The following TMEM144 variants were observed in gnomAD, a reference collection of about 807,000 sequenced individuals.
TMEM144 encodes the protein transmembrane protein 144.
Under a neutral mutation model 43.6 loss-of-function variants are expected in TMEM144, and 39 were observed. That is an observed-to-expected ratio of 0.90 (90% CI 0.69 to 1.17). The LOEUF is 1.17. Among genes scored for constraint, TMEM144 ranks in the 50% most tolerant of loss-of-function variants. TMEM144 has a pLI of 0.00. For synonymous variants in TMEM144, 154 were observed against 133.6 expected (o/e 1.15, Z -1.06); for missense variants, 417 against 411.9 (o/e 1.01, Z -0.11).
At chr4:158,246,378 T>C (rs1376901959) in intron 12 of TMEM144, among the ~76,000 whole-genome samples, 5 of 152,188 alleles carry the variant, frequency 3.3e-5, no homozygotes, top group Non-Finnish European at 5.9e-5. Context: ...TGAATGTACT[T>C]CTACCTGATC....
At chr4:158,241,344 A>G (rs1020053478) in intron 10 of TMEM144, among the ~76,000 whole-genome samples, 165 bp from the exon 11 acceptor site, 3 of 152,326 alleles carry the variant, frequency 2.0e-5, no homozygotes, top group African/African-American at 7.2e-5. Flanking sequence ...TAGAGAAATT[A>G]CTTGCTCTAA....
chr4:158,238,538 A>G (rs1735471627), intron 9 of TMEM144, among the ~76,000 whole-genome samples: 1 of 152,208 alleles, frequency 6.6e-6, no homozygotes, highest in Non-Finnish European at 1.5e-5. Context: ...TTTTTACAAA[A>G]AGATAGAAAT....
chr4:158,247,647 A>G (rs1735958136), intron 12 of TMEM144, among the ~76,000 whole-genome samples: 2 of 152,110 alleles, frequency 1.3e-5, no homozygotes, highest in Admixed American at 1.3e-4. Flanking sequence ...AATAACCACA[A>G]AAATTACATA....
rs747613745 is a variant in TMEM144 at position 158,215,288 on chromosome 4, G to A, written c.207G>A (p.Met69Ile). 2.5e-6 allele frequency: 4 copies of A among 1,613,750 alleles called. No individual in the cohort carries two copies. Among genetic ancestry groups the A allele is most frequent in the Non-Finnish European group, 3.4e-6 (4 of 1,179,770 alleles). The change falls in exon 4 of 13, where the codon ATG (methionine) becomes ATA (isoleucine). Residue 69 changes from methionine to isoleucine, a missense_variant. Coordinates refer to ENST00000296529, the MANE Select transcript of TMEM144 (RefSeq NM_018342.5). ...LHCPKFWPFA[M>I]LGGCIWATGN... Reference sequence around the variant, plus strand: ...GTCCAAAGTTTTGGCCTTTTGCAATGCTTGGGGGCTGCATTTGGGCAACAG... The same window carrying A: ...GTCCAAAGTTTTGGCCTTTTGCAATACTTGGGGGCTGCATTTGGGCAACAG...
At position 158,237,596 on chromosome 4, in the gene TMEM144, AC is replaced by A; in HGVS notation, c.637del (p.His213ThrfsTer17). 6.2e-7 allele frequency: 1 copy of A among 1,613,978 alleles called. No homozygotes were observed. Among genetic ancestry groups the A allele is most frequent in the South Asian group, 1.1e-5 (1 of 91,064 alleles). ...STFVPIIYIKDHSKRNDSIYA... is the reference protein window; with the variant it reads ...STFVPIIYIKXHSKRNDSIYA... ...TTTGTGCCAATCATCTACATCAAGG[AC>A]CACAGCAAAAGAAATGATAGTATAT... On this transcript the variant is annotated frameshift_variant, in exon 9 of 13. Coordinates refer to ENST00000296529, the MANE Select transcript of TMEM144 (RefSeq NM_018342.5). LOFTEE classifies it high-confidence loss of function.
chr4:158,247,594 T>G (rs1247134847), intron 12 of TMEM144, among the ~76,000 whole-genome samples: 1 of 152,048 alleles, frequency 6.6e-6, no homozygotes, highest in Non-Finnish European at 1.5e-5. Context: ...TTCCAATGTA[T>G]CACCAACAAC....
At chr4:158,210,969 G>T (rs534973817) in intron 1 of TMEM144, 1 of 152,194 alleles carries the variant, frequency 6.6e-6, no homozygotes, top group Non-Finnish European at 1.5e-5. Flanking sequence ...ACGCTGAAAA[G>T]AAAACATTAA....
intron 6 of TMEM144, among the ~76,000 whole-genome samples, chr4:158,220,509 C>T (rs1032824059): frequency 7.2e-5 from 11 of 152,146 alleles, no homozygotes; most frequent in African/African-American, 2.2e-4. Context: ...TCTAAAATTG[C>T]AAATCAATTA....
chr4:158,223,882 T>C (rs1734625342), intron 6 of TMEM144, among the ~76,000 whole-genome samples: 2 of 152,384 alleles, frequency 1.3e-5, no homozygotes, highest in Admixed American at 6.5e-5. Context: ...TACATGTGCA[T>C]GTGTCTTTAT....
chr4:158,255,187 A>G lies in TMEM144; in HGVS notation c.*1660A>G, dbSNP rs1579169292. On this transcript the variant is annotated 3_prime_UTR_variant, in exon 13 of 13. Coordinates refer to ENST00000296529, the MANE Select transcript of TMEM144 (RefSeq NM_018342.5). ...TTTGTTTATTGAATTGCTAATACAA[A>G]TAAATATTTGACTATAACTTCTTAT... is the stretch of plus-strand genomic sequence containing the variant. The G allele has an allele frequency of 6.6e-6, 1 of 152,116 alleles. No homozygotes were observed. The highest frequency in any genetic ancestry group is 2.4e-5 in the African/African-American group (1 of 41,436). 9.4% of individuals were successfully genotyped at this position (152,116 alleles called of 1,614,324 possible).
rs762614238 is a variant in TMEM144, at chr4:158,219,302, A to T, written c.333-8A>T. ...TATTTAATTTGATGTGACTTTCTGG[A>T]TTTTCAGGTTTGGCTGGTTTGGATT... On this transcript the variant is annotated splice_region_variant and splice_polypyrimidine_tract_variant and intron_variant, in intron 5 of 12. Coordinates refer to ENST00000296529, the MANE Select transcript of TMEM144 (RefSeq NM_018342.5). The T allele has an allele frequency of 6.2e-7, 1 of 1,613,588 alleles. No individual in the cohort carries two copies. The highest frequency in any genetic ancestry group is 1.7e-5 in the Admixed American group (1 of 59,976).
At chr4:158,250,216 A>C (rs867454718) in intron 12 of TMEM144, among the ~76,000 whole-genome samples, 8 of 127,894 alleles carry the variant, frequency 6.3e-5, no homozygotes, top group Non-Finnish European at 1.0e-4. Context: ...ATATATATAT[A>C]TATATATATA....
intron 6 of TMEM144, among the ~76,000 whole-genome samples, chr4:158,227,188 C>T (rs1334246533): frequency 6.7e-6 from 1 of 149,576 alleles, no homozygotes; most frequent in Non-Finnish European, 1.5e-5. Flanking sequence ...TAGTAAGCTG[C>T]TTTTTTGCTT....
chr4:158,236,374 A>T (rs1735350012), intron 8 of TMEM144, among the ~76,000 whole-genome samples: 2 of 151,608 alleles, frequency 1.3e-5, no homozygotes, highest in African/African-American at 2.4e-5. Flanking sequence ...ATTTTTTCAA[A>T]TTTTTTTTTC....
At position 158,250,195 on chromosome 4, in the gene TMEM144, C is replaced by CATATATATATAT. The variant is rs5863314; in HGVS notation, c.955-3225_955-3214dup. ...TTTGATTTTGTTAATTAATACATAACATATATATATATATATATATATATA... is the reference window on the plus strand; with the variant it reads ...TTTGATTTTGTTAATTAATACATAACATATATATATATATATATATATATATATATATATATA... On this transcript the variant is annotated intron_variant, in intron 12 of 12. Coordinates refer to ENST00000296529, the MANE Select transcript of TMEM144 (RefSeq NM_018342.5). 4.9e-3 allele frequency among the ~76,000 whole-genome samples: 664 copies of CATATATATATAT among 135,334 alleles called. 14 individuals carry two copies. The highest frequency in any genetic ancestry group is 8.3e-3 in the Non-Finnish European group (510 of 61,744). 88.8% of individuals were successfully genotyped at this position (135,334 alleles called of 152,430 possible).
At chr4:158,238,898 G>A (rs1268103060) in intron 9 of TMEM144, among the ~76,000 whole-genome samples, 1 of 152,114 alleles carries the variant, frequency 6.6e-6, no homozygotes, top group Non-Finnish European at 1.5e-5. Flanking sequence ...GTAATGTGAT[G>A]GGAACACTTT....
chr4:158,224,370 T>G (rs1734647603), intron 6 of TMEM144, among the ~76,000 whole-genome samples: 2 of 152,196 alleles, frequency 1.3e-5, no homozygotes, highest in African/African-American at 4.8e-5. Flanking sequence ...GCCTGTTCAC[T>G]CTGATGATAG....
intron 9 of TMEM144, 130 bp downstream of exon 9, chr4:158,237,773 G>A: frequency 3.3e-6 from 2 of 606,872 alleles, no homozygotes; most frequent in East Asian, 5.9e-5. Flanking sequence ...AATTAGAAAG[G>A]CATTGAACAC....
chr4:158,254,565 G>A lies in TMEM144; in HGVS notation c.*1038G>A, dbSNP rs1285581599. 6.6e-6 allele frequency: 1 copy of A among 151,292 alleles called. No homozygotes were observed. Among genetic ancestry groups the A allele is most frequent in the Non-Finnish European group, 1.5e-5 (1 of 67,932 alleles). 9.4% of individuals were successfully genotyped at this position (151,292 alleles called of 1,614,324 possible). A position where few individuals can be genotyped will look rare whatever the true frequency, so the allele number is the denominator to read the frequency against. On this transcript the variant is annotated 3_prime_UTR_variant, in exon 13 of 13. Coordinates refer to ENST00000296529, the MANE Select transcript of TMEM144 (RefSeq NM_018342.5). ...TTAGCCCAAGAGTGCAAATCTGCCAGCCTAGGCAACATAGCAAGGTCCCAT... is the reference window on the plus strand; with the variant it reads ...TTAGCCCAAGAGTGCAAATCTGCCAACCTAGGCAACATAGCAAGGTCCCAT...
Sources: gnomAD v4.1 joint callset for allele counts (sites outside exome capture counted in the v4.1 genomes callset) on GRCh38, gnomAD v4.1.1 for gene constraint, MANE v1.5 for transcripts, NCBI Gene and HGNC (gene_info 2026-07-23, HGNC 2026-07-21) for gene names.